Variants in PLCL2 observed in about 807,000 individuals in gnomAD.
PLCL2 encodes the protein phospholipase C like 2.
A neutral mutation model predicts 79.6 loss-of-function variants in PLCL2; 4 were observed. The ratio of observed to expected loss-of-function variants is 0.05; its 90% CI spans 0.02 to 0.11. PLCL2 has a LOEUF of 0.11. PLCL2 is among the 10% of genes least tolerant of loss of function. PLCL2 has a pLI of 1.00. For synonymous variants in PLCL2, 484 were observed against 457.7 expected, an observed-to-expected ratio of 1.06 and a Z score of -0.73; for missense variants, 895 against 1,291.0, an observed-to-expected ratio of 0.69 and a Z score of 4.70.
At chr3:16,918,024 A>ATGAGTACG (rs575001259) in intron 1 of PLCL2, among the ~76,000 whole-genome samples, 51 of 152,294 alleles carry the variant, frequency 3.3e-4, no homozygotes, top group Non-Finnish European at 6.0e-4. Context: ...AAAAATTTGG[A>ATGAGTACG]TGAGTACGTG....
At chr3:16,966,625 G>C (rs2063809360) in intron 1 of PLCL2, among the ~76,000 whole-genome samples, 1 of 151,968 alleles carries the variant, frequency 6.6e-6, no homozygotes, top group South Asian at 2.1e-4. Context: ...GTAGAATTCG[G>C]CCGTGAATCC....
intron 1 of PLCL2, among the ~76,000 whole-genome samples, chr3:16,905,881 A>G (rs1015902376): frequency 6.6e-6 from 1 of 152,110 alleles, no homozygotes. Flanking sequence ...CTGAAAATGG[A>G]GTAGGTGTTG....
At chr3:16,920,148 C>G (rs941748088) in intron 1 of PLCL2, among the ~76,000 whole-genome samples, 1 of 152,060 alleles carries the variant, frequency 6.6e-6, no homozygotes, top group Non-Finnish European at 1.5e-5. Flanking sequence ...AGTTGAGTTA[C>G]TTTGACCTCT....
chr3:16,914,943 G>A (rs1418894506), intron 1 of PLCL2, among the ~76,000 whole-genome samples: 1 of 152,064 alleles, frequency 6.6e-6, no homozygotes, highest in Admixed American at 6.6e-5. Flanking sequence ...TGTTGCCCAG[G>A]CTGGTCTTGA....
At chr3:17,017,129 G>A (rs1409162897) in intron 3 of PLCL2, among the ~76,000 whole-genome samples, 1 of 152,048 alleles carries the variant, frequency 6.6e-6, no homozygotes, top group Non-Finnish European at 1.5e-5. Flanking sequence ...ATTGCTCCTT[G>A]GTTCCCTGCC....
intron 3 of PLCL2, among the ~76,000 whole-genome samples, chr3:17,027,471 C>G (rs1275298910): frequency 6.6e-6 from 1 of 152,174 alleles, no homozygotes; most frequent in Non-Finnish European, 1.5e-5. Flanking sequence ...GAAACTAAGC[C>G]TAAGCCTAGC....
chr3:16,887,788 A>G lies in PLCL2; in HGVS notation c.327+2422A>G, dbSNP rs1315565760. ...ATGTGAATGGCAGAAATTATGTTTC[A>G]CTTTTGTTTAAAAAAAAAAAGAATA... On this transcript the variant is annotated intron_variant, in intron 1 of 5. Coordinates refer to ENST00000615277, the MANE Select transcript of PLCL2 (RefSeq NM_001144382.2). The surrounding 1 kb of genome is among the most constrained non-coding windows in gnomAD (Gnocchi z 4.1). 6.6e-6 allele frequency among the ~76,000 whole-genome samples: 1 copy of G among 151,988 alleles called. No homozygotes were observed. The highest frequency in any genetic ancestry group is 2.4e-5 in the African/African-American group (1 of 41,318).
In PLCL2 at chr3:17,001,990, G is replaced by A. The variant is rs540653556; in HGVS notation, c.328-7684G>A. 2.0e-5 allele frequency among the ~76,000 whole-genome samples: 3 copies of A among 152,044 alleles called. No individual in the cohort carries two copies. In the East Asian group the frequency reaches 5.8e-4, roughly 29 times the overall value. On this transcript the variant is annotated intron_variant, in intron 1 of 5. Coordinates refer to ENST00000615277, the MANE Select transcript of PLCL2 (RefSeq NM_001144382.2). ...TCTTGTAATGCATGAACACGGGATG[G>A]CTTTCCATTGTTTTGGTGTATCTTC... is the stretch of plus-strand genomic sequence containing the variant.
intron 3 of PLCL2, among the ~76,000 whole-genome samples, chr3:17,023,288 T>C (rs2064476258): frequency 6.6e-6 from 1 of 152,142 alleles, no homozygotes; most frequent in Non-Finnish European, 1.5e-5. Flanking sequence ...TGGAAGGAAG[T>C]CTCCTCCACC....
chr3:17,082,503 A>C (rs1266271577), intron 5 of PLCL2, among the ~76,000 whole-genome samples: 1 of 152,138 alleles, frequency 6.6e-6, no homozygotes, highest in African/African-American at 2.4e-5. Flanking sequence ...AGACACATAG[A>C]ACAAAATGAA....
chr3:16,958,871 C>G (rs956575452), intron 1 of PLCL2, among the ~76,000 whole-genome samples: 3 of 152,188 alleles, frequency 2.0e-5, no homozygotes, highest in Admixed American at 2.0e-4. Flanking sequence ...TTGGCTTTGC[C>G]CTCCATGGGG....
At chr3:16,990,332 G>T (rs1338465197) in intron 1 of PLCL2, among the ~76,000 whole-genome samples, 1 of 152,132 alleles carries the variant, frequency 6.6e-6, no homozygotes, top group Non-Finnish European at 1.5e-5. Flanking sequence ...CTGACACCCA[G>T]TCTTTTTCAC....
intron 1 of PLCL2, among the ~76,000 whole-genome samples, chr3:16,900,137 C>CT (rs1346484768): frequency 1.3e-5 from 2 of 152,140 alleles, no homozygotes; most frequent in African/African-American, 4.8e-5. Flanking sequence ...AGATCTTAAT[C>CT]TCAGAGTCTT....
intron 5 of PLCL2, among the ~76,000 whole-genome samples, chr3:17,077,344 C>T (rs1278486983): frequency 6.6e-6 from 1 of 152,166 alleles, no homozygotes; most frequent in Non-Finnish European, 1.5e-5. Context: ...ATGCTCACTC[C>T]GTTTGCATCT....
At chr3:16,957,778 A>G (rs1446323365) in intron 1 of PLCL2, among the ~76,000 whole-genome samples, 2 of 152,140 alleles carry the variant, frequency 1.3e-5, no homozygotes, top group Admixed American at 1.3e-4. Context: ...CTTTACCATT[A>G]TGTAATGGCC....
At chr3:16,917,676 G>A (rs1697029733) in intron 1 of PLCL2, among the ~76,000 whole-genome samples, 2 of 152,142 alleles carry the variant, frequency 1.3e-5, no homozygotes, top group African/African-American at 4.8e-5. Context: ...CCCAGAGTAA[G>A]CCTCCCAGGA....
At chr3:16,956,665 CT>C (rs1042465297) in intron 1 of PLCL2, among the ~76,000 whole-genome samples, 1 of 151,954 alleles carries the variant, frequency 6.6e-6, no homozygotes. Context: ...GTCCTGGACT[CT>C]TTTTGGTTGG....
intron 1 of PLCL2, among the ~76,000 whole-genome samples, chr3:16,915,168 AAATT>A (rs1696964238): frequency 6.6e-6 from 1 of 152,260 alleles, no homozygotes; most frequent in Non-Finnish European, 1.5e-5. Context: ...TGGTAAAACA[AAATT>A]AACATAAGCT....
At chr3:16,929,214 TA>T (rs66734294) in intron 1 of PLCL2, among the ~76,000 whole-genome samples, 148,891 of 148,896 alleles carry the variant, frequency 1, 74,443 homozygotes, top group Non-Finnish European at 1. Context: ...GGGAATGGGC[TA>T]CAGGGAGGAG....
Sources: gnomAD v4.1 joint callset for allele counts (sites outside exome capture counted in the v4.1 genomes callset) on GRCh38, gnomAD v4.1.1 for gene constraint, Gnocchi (gnomAD v3.1) non-coding constraint, MANE v1.5 for transcripts, NCBI Gene and HGNC (gene_info 2026-07-23, HGNC 2026-07-21) for gene names.